The following MICAL2 variants were observed in gnomAD, a reference collection of about 807,000 sequenced individuals.
MICAL2 encodes microtubule associated monooxygenase, calponin and LIM domain containing 2, also known as [F-actin]-monooxygenase MICAL2.
A neutral mutation model predicts 127.3 loss-of-function variants in MICAL2; 77 were observed. The observed-to-expected ratio is 0.60, with a 90% CI of 0.50 to 0.73. The LOEUF is 0.73. MICAL2 is among the 30% of genes least tolerant of loss of function. MICAL2 has a pLI of 0.00. For synonymous variants in MICAL2, 570 were observed against 551.1 expected (o/e 1.03, Z -0.48); for missense variants, 1,351 against 1,434.4 (o/e 0.94, Z 0.94).
At chr11:12,217,561 G>A (rs933493041) in intron 8 of MICAL2, among the ~76,000 whole-genome samples, 1 of 152,136 alleles carries the variant, frequency 6.6e-6, no homozygotes, top group African/African-American at 2.4e-5. Context: ...GCCTTAGTCT[G>A]AAACTGGGGG....
At chr11:12,198,895 G>T (rs1395329233) in intron 3 of MICAL2, among the ~76,000 whole-genome samples, 1 of 152,220 alleles carries the variant, frequency 6.6e-6, no homozygotes, top group Non-Finnish European at 1.5e-5. Flanking sequence ...GACCTGGCTT[G>T]CTCGTTCCTT....
chr11:12,356,358 C>T (rs1939128476), intron 34 of MICAL2, among the ~76,000 whole-genome samples: 1 of 152,170 alleles, frequency 6.6e-6, no homozygotes. Flanking sequence ...AGGAGATGCT[C>T]GGTCTCTTTG....
chr11:12,349,539 C>T (rs189150143), intron 32 of MICAL2, among the ~76,000 whole-genome samples: 22 of 152,202 alleles, frequency 1.4e-4, no homozygotes, highest in Admixed American at 4.6e-4. Context: ...AAAGAATATA[C>T]GAGTAGGCAG....
At chr11:12,221,797 G>A in intron 10 of MICAL2, 38 bp downstream of exon 10, 4 of 1,555,952 alleles carry the variant, frequency 2.6e-6, no homozygotes, top group Non-Finnish European at 3.5e-6. Context: ...TGGGGGGCAG[G>A]GCACTCAGGC....
downstream of MICAL2, among the ~76,000 whole-genome samples, chr11:12,267,942 A>T (rs1026582232): frequency 1.3e-5 from 2 of 152,204 alleles, no homozygotes; most frequent in African/African-American, 4.8e-5. Flanking sequence ...AAACTCCAGC[A>T]GCTCTCCAGC....
At chr11:12,223,352 G>A (rs1235460217) in intron 11 of MICAL2, 59 bp from the exon 12 acceptor site, 4 of 1,470,514 alleles carry the variant, frequency 2.7e-6, no homozygotes, top group Admixed American at 1.7e-5. Context: ...GAGTTTAGGG[G>A]CCCTGAGACT....
At chr11:12,236,879 G>C (rs1410305849) in intron 16 of MICAL2, among the ~76,000 whole-genome samples, 2 of 152,202 alleles carry the variant, frequency 1.3e-5, no homozygotes, top group African/African-American at 2.4e-5. Context: ...AACTCCACAA[G>C]CATGCATATT....
At chr11:12,171,663 T>C (rs10831746) in intron 3 of MICAL2, among the ~76,000 whole-genome samples, 64,298 of 151,964 alleles carry the variant, frequency 0.42, 14,323 homozygotes, top group African/African-American at 0.57. Context: ...CTGCAGGTAA[T>C]TGAGATGCTG....
intron 29 of MICAL2, among the ~76,000 whole-genome samples, chr11:12,313,052 C>G (rs1864191854): frequency 1.3e-5 from 2 of 151,224 alleles, no homozygotes; most frequent in African/African-American, 4.9e-5. Context: ...CCTGTAGTCC[C>G]GGCTACTGGG....
chr11:12,271,714 T>C (rs7123104), upstream of MICAL2, among the ~76,000 whole-genome samples: 92,967 of 151,898 alleles, frequency 0.61, 29,117 homozygotes, highest in African/African-American at 0.66. Flanking sequence ...CGCACACAGA[T>C]GGAGCTGTCT....
intron 16 of MICAL2, among the ~76,000 whole-genome samples, chr11:12,238,413 A>G (rs964216115): frequency 1.3e-5 from 2 of 152,202 alleles, no homozygotes. Flanking sequence ...GGTCTACATC[A>G]CCACTTATAA....
chr11:12,234,803 C>T (rs762363381), intron 15 of MICAL2, among the ~76,000 whole-genome samples: 3 of 152,072 alleles, frequency 2.0e-5, no homozygotes, highest in East Asian at 1.9e-4. Flanking sequence ...TTGGGGCACC[C>T]GTAGCTAGGG....
downstream of MICAL2, chr11:12,292,398 C>A (rs1300294915): frequency 1.5e-6 from 2 of 1,327,204 alleles, no homozygotes; most frequent in Non-Finnish European, 2.1e-6. Context: ...GCTCATAGGT[C>A]AACCTAAGTG....
intron 30 of MICAL2, chr11:12,323,885 TTAGTTGGAGAGGG>T (rs1209370159): frequency 1.5e-6 from 2 of 1,353,592 alleles, no homozygotes; most frequent in Admixed American, 5.3e-5. Flanking sequence ...CTGGGAATCA[TTAGTTGGAGAGGG>T]TAGAAGCCTA....
chr11:12,259,791 T>G lies in MICAL2; in HGVS notation c.3232-4T>G, dbSNP rs755049188. 2.9e-5 allele frequency: 44 copies of G among 1,533,260 alleles called. No homozygotes were observed. The Middle Eastern group carries it at 1.1e-3, about 37-fold the overall frequency. The allele number at this position is 1,533,260 out of a possible 1,614,324, so 95.0% of individuals were successfully genotyped here. ...AAATGCCCTCATTTCCATCTCTTTC[T>G]CAGGAGGAGGCAACATGGCAAGAGC... is the stretch of plus-strand genomic sequence containing the variant. On this transcript the variant is annotated splice_region_variant and splice_polypyrimidine_tract_variant and intron_variant, in intron 25 of 27. Coordinates refer to ENST00000683283, the MANE Select transcript of MICAL2 (RefSeq NM_001282663.2).
intron 32 of MICAL2, among the ~76,000 whole-genome samples, chr11:12,340,501 G>T (rs766087884): frequency 6.6e-6 from 1 of 152,166 alleles, no homozygotes; most frequent in Admixed American, 6.5e-5. Context: ...TTGAATATGT[G>T]CATACGCTAC....
chr11:12,309,355 G>A (rs1041666156), intron 29 of MICAL2, among the ~76,000 whole-genome samples: 2 of 137,552 alleles, frequency 1.5e-5, no homozygotes, highest in Non-Finnish European at 3.4e-5. Context: ...TGCTTCCGTG[G>A]TAACCACCAT....
rs1404776967 is a variant in MICAL2 at position 12,222,611 on chromosome 11, C to G, written c.1323-6C>G. The G allele has an allele frequency of 1.2e-6, 2 of 1,614,226 alleles. No individual in the cohort carries two copies. The highest frequency in any genetic ancestry group is 2.7e-5 in the African/African-American group (2 of 75,070). On this transcript the variant is annotated splice_polypyrimidine_tract_variant and splice_region_variant and intron_variant, in intron 10 of 27. Transcript: ENST00000683283. ...TCCCTGACCTCCAGGCTCCGCCTCC[C>G]TCCAGGGAAAGTCTCTACCGGCTGT...
chr11:12,321,844 G>A (rs993778996), intron 30 of MICAL2, among the ~76,000 whole-genome samples: 3 of 152,080 alleles, frequency 2.0e-5, no homozygotes, highest in Non-Finnish European at 2.9e-5. Context: ...CCTTTCGCCT[G>A]GGAATTGCAT....
Sources: gnomAD v4.1 joint callset for allele counts (sites outside exome capture counted in the v4.1 genomes callset) on GRCh38, gnomAD v4.1.1 for gene constraint, MANE v1.5 for transcripts, NCBI Gene and HGNC (gene_info 2026-07-23, HGNC 2026-07-21) for gene names.